EFCAB13: variants seen among roughly 807,000 people sequenced by gnomAD.
EFCAB13 encodes the protein EF-hand calcium-binding domain-containing protein 13.
A neutral mutation model predicts 110.2 loss-of-function variants in EFCAB13; 91 were observed. That is an observed-to-expected ratio of 0.83 (90% CI 0.70 to 0.98). The LOEUF is 0.98. EFCAB13 is among the 50% of genes least tolerant of loss of function. The probability of loss-of-function intolerance (pLI) is 0.00; values close to 1 mark genes in which losing one functional copy is unlikely to be tolerated. For synonymous variants in EFCAB13, 323 were observed against 369.9 expected (o/e 0.87, Z 1.45); for missense variants, 968 against 1,119.4 (o/e 0.86, Z 1.93).
chr17:47,393,057 T>G (rs2065716522), intron 15 of EFCAB13, among the ~76,000 whole-genome samples: 1 of 152,044 alleles, frequency 6.6e-6, no homozygotes, highest in Non-Finnish European at 1.5e-5. Context: ...CTCAACATCC[T>G]TAGTAATTAG....
intron 6 of EFCAB13, among the ~76,000 whole-genome samples, chr17:47,343,589 ACTCAATG>A (rs1301657109): frequency 6.6e-6 from 1 of 151,890 alleles, no homozygotes; most frequent in African/African-American, 2.4e-5. Context: ...GGTCATTAAA[ACTCAATG>A]CTCAGGGTTC....
intron 6 of EFCAB13, among the ~76,000 whole-genome samples, chr17:47,342,496 C>A (rs1445171611): frequency 6.6e-6 from 1 of 152,146 alleles, no homozygotes; most frequent in Non-Finnish European, 1.5e-5. Flanking sequence ...ATTACATCTG[C>A]AAATACATTT....
intron 24 of EFCAB13, among the ~76,000 whole-genome samples, chr17:47,435,925 C>T (rs1007831709): frequency 2.6e-5 from 4 of 152,186 alleles, no homozygotes; most frequent in African/African-American, 9.6e-5. Context: ...GTGGGTTTGT[C>T]ATAGATGGCT....
At chr17:47,351,281 G>GTGTC (rs1217528443) in intron 9 of EFCAB13, among the ~76,000 whole-genome samples, 2 of 99,980 alleles carry the variant, frequency 2.0e-5, no homozygotes, top group African/African-American at 3.1e-5. Context: ...GTATTCCACT[G>GTGTC]TGTGTGTGTG....
chr17:47,434,056 G>C lies in EFCAB13; in HGVS notation c.2638+4095G>C, dbSNP rs188140392. 7.9e-5 allele frequency among the ~76,000 whole-genome samples: 12 copies of C among 152,120 alleles called. No individual in the cohort carries two copies. The East Asian group carries it at 2.3e-3, about 29-fold the overall frequency. On this transcript the variant is annotated intron_variant, in intron 24 of 24. Coordinates refer to ENST00000331493, the MANE Select transcript of EFCAB13 (RefSeq NM_152347.5). ...AAAAGTTGCTGTCTGTTGTGATCCA[G>C]AGCAATCAGACAAGAGAAAAAAATA... is the stretch of plus-strand genomic sequence containing the variant.
intron 22 of EFCAB13, among the ~76,000 whole-genome samples, chr17:47,414,477 C>T (rs1904361639): frequency 6.7e-6 from 1 of 148,876 alleles, no homozygotes; most frequent in Non-Finnish European, 1.5e-5. Flanking sequence ...TGCGCCACTG[C>T]ACTCCAGCCT....
chr17:47,364,998 A>C (rs1437734130), intron 10 of EFCAB13, among the ~76,000 whole-genome samples: 1 of 152,114 alleles, frequency 6.6e-6, no homozygotes, highest in Non-Finnish European at 1.5e-5. Flanking sequence ...TCCTACTTAC[A>C]CTTTAGATCC....
intron 10 of EFCAB13, among the ~76,000 whole-genome samples, chr17:47,364,234 G>A (rs1007752458): frequency 6.6e-6 from 1 of 152,150 alleles, no homozygotes; most frequent in Non-Finnish European, 1.5e-5. Context: ...TCATGCAATA[G>A]TTCCCTTATT....
At chr17:47,371,845 C>T (rs751936859) in intron 11 of EFCAB13, among the ~76,000 whole-genome samples, 1 of 152,138 alleles carries the variant, frequency 6.6e-6, no homozygotes, top group Non-Finnish European at 1.5e-5. Flanking sequence ...AACTTCTCAC[C>T]TCAGGTGATC....
At chr17:47,370,349 C>A in intron 10 of EFCAB13, 88 bp from the exon 11 acceptor site, 1 of 910,082 alleles carries the variant, frequency 1.1e-6, no homozygotes, top group Non-Finnish European at 1.8e-6. Context: ...ACTTGCCACA[C>A]ATTCTGTGTT....
At chr17:47,359,037 T>C (rs922586529) in intron 9 of EFCAB13, among the ~76,000 whole-genome samples, 1 of 152,142 alleles carries the variant, frequency 6.6e-6, no homozygotes, top group African/African-American at 2.4e-5. Context: ...ACTTGATCAA[T>C]AATGACTAGT....
chr17:47,400,923 T>C (rs1234718305), intron 17 of EFCAB13, among the ~76,000 whole-genome samples: 1 of 152,176 alleles, frequency 6.6e-6, no homozygotes, highest in African/African-American at 2.4e-5. Flanking sequence ...TGTTGACTGA[T>C]GTGAAGCTAG....
intron 9 of EFCAB13, among the ~76,000 whole-genome samples, chr17:47,358,049 A>G (rs1382693832): frequency 6.6e-6 from 1 of 152,216 alleles, no homozygotes; most frequent in African/African-American, 2.4e-5. Context: ...TTTTAAAAGA[A>G]CACACATAAT....
chr17:47,351,396 A>G (rs1306217096), intron 9 of EFCAB13, among the ~76,000 whole-genome samples: 1 of 150,860 alleles, frequency 6.6e-6, no homozygotes, highest in Non-Finnish European at 1.5e-5. Flanking sequence ...GCTATTGTGG[A>G]TTGTGCTGTG....
intron 9 of EFCAB13, among the ~76,000 whole-genome samples, chr17:47,359,517 G>GT (rs71141905): frequency 0.31 from 39,137 of 127,060 alleles, 7,090 homozygotes; most frequent in South Asian, 0.41. Context: ...TGGGAATTGT[G>GT]TTTTTTTTTT....
chr17:47,425,073 G>A (rs868303426), intron 23 of EFCAB13, among the ~76,000 whole-genome samples: 1 of 148,354 alleles, frequency 6.7e-6, no homozygotes. Context: ...TAGTAGAGAC[G>A]GGGTTTCACC....
chr17:47,398,220 C>A (rs1346652723), intron 17 of EFCAB13, among the ~76,000 whole-genome samples: 5 of 145,034 alleles, frequency 3.4e-5, no homozygotes, highest in Non-Finnish European at 6.1e-5. Flanking sequence ...GGCCAGCCGC[C>A]CCGTCCGGGA....
intron 6 of EFCAB13, among the ~76,000 whole-genome samples, chr17:47,343,064 G>A (rs563070428): frequency 8.6e-5 from 13 of 151,928 alleles, no homozygotes; most frequent in African/African-American, 3.1e-4. Context: ...AAATTCTTGG[G>A]GGATCTAAAT....
At chr17:47,358,121 C>G (rs529329882) in intron 9 of EFCAB13, among the ~76,000 whole-genome samples, 1 of 152,174 alleles carries the variant, frequency 6.6e-6, no homozygotes, top group African/African-American at 2.4e-5. Context: ...ATGTGAAAGA[C>G]CTTCTTTAAC....
Sources: allele counts gnomAD v4.1 joint callset (sites outside exome capture counted in the v4.1 genomes callset), GRCh38; gene constraint gnomAD v4.1.1; transcripts MANE v1.5; gene names NCBI Gene and HGNC (gene_info 2026-07-23, HGNC 2026-07-21).